PDE8A: variants seen among roughly 807,000 people sequenced by gnomAD.
The protein encoded by PDE8A is phosphodiesterase 8A.
In PDE8A, 59 loss-of-function variants were observed where a neutral mutation model predicts 105.0. That is an observed-to-expected ratio of 0.56 (90% CI 0.46 to 0.70). The LOEUF (loss-of-function observed/expected upper bound fraction) is 0.70. Among genes scored for constraint, PDE8A ranks in the 30% least tolerant of loss-of-function variants. PDE8A has a pLI of 0.00. For synonymous variants in PDE8A, 355 were observed against 371.9 expected, an observed-to-expected ratio of 0.95 and a Z score of 0.52; for missense variants, 1,014 against 1,045.9, an observed-to-expected ratio of 0.97 and a Z score of 0.42.
intron 21 of PDE8A, 105 bp downstream of exon 21, chr15:85,136,768 CT>C: frequency 8.8e-7 from 1 of 1,142,336 alleles, no homozygotes; most frequent in Non-Finnish European, 1.2e-6. Flanking sequence ...GGGGCCTGGG[CT>C]TTCAAGAACA....
At chr15:85,057,608 C>T (rs919877327) in intron 1 of PDE8A, among the ~76,000 whole-genome samples, 9 of 152,166 alleles carry the variant, frequency 5.9e-5, no homozygotes, top group African/African-American at 2.2e-4. Context: ...ACCCGTCTTC[C>T]ATGTCGCGCA....
At position 85,038,978 on chromosome 15, in the gene PDE8A, A is replaced by G. The variant is rs1012320009; in HGVS notation, c.187-25392A>G. Among the ~76,000 whole-genome samples, 7 of 152,218 alleles carry G rather than the reference A, an allele frequency of 4.6e-5. No homozygotes were observed. The South Asian group carries it at 1.5e-3, about 32-fold the overall frequency. ...CTCTACTAAAGATACAAAATTAGCCAGGCGTGGTGGTTCATGCCTGTAATC... is the reference window on the plus strand; with the variant it reads ...CTCTACTAAAGATACAAAATTAGCCGGGCGTGGTGGTTCATGCCTGTAATC... On this transcript the variant is annotated intron_variant, in intron 1 of 21. Transcript: ENST00000394553.
chr15:85,129,505 G>A (rs915226263), intron 20 of PDE8A, among the ~76,000 whole-genome samples: 2 of 152,156 alleles, frequency 1.3e-5, no homozygotes, highest in South Asian at 2.1e-4. Flanking sequence ...TTGGCATTCA[G>A]TTGTTCATGG....
chr15:85,072,052 C>A (rs2081319415), intron 3 of PDE8A, among the ~76,000 whole-genome samples: 1 of 152,162 alleles, frequency 6.6e-6, no homozygotes, highest in Non-Finnish European at 1.5e-5. Context: ...AACGCATTAA[C>A]AGAATTAAAA....
At chr15:85,032,745 T>G (rs868073806) in intron 1 of PDE8A, among the ~76,000 whole-genome samples, 1 of 152,158 alleles carries the variant, frequency 6.6e-6, no homozygotes, top group Non-Finnish European at 1.5e-5. Flanking sequence ...GAAAAATGCA[T>G]GGGAAAAGGT....
chr15:85,033,422 C>A (rs2080649146), intron 1 of PDE8A, among the ~76,000 whole-genome samples: 1 of 152,108 alleles, frequency 6.6e-6, no homozygotes, highest in African/African-American at 2.4e-5. Context: ...TCCACAGCTG[C>A]CTTTTGCTTT....
At chr15:85,069,602 A>G (rs1416361877) in intron 3 of PDE8A, among the ~76,000 whole-genome samples, 1 of 152,138 alleles carries the variant, frequency 6.6e-6, no homozygotes, top group Admixed American at 6.6e-5. Context: ...GCTTCCCCTG[A>G]GTACCCTTTT....
chr15:85,105,773 C>T (rs16974868), intron 11 of PDE8A, among the ~76,000 whole-genome samples: 13,272 of 152,184 alleles, frequency 0.087, 1,587 homozygotes, highest in African/African-American at 0.27. Context: ...AGGCCGGATA[C>T]CTCAGGATGA....
chr15:85,115,304 T>C, intron 14 of PDE8A, 135 bp from the exon 15 acceptor site: 1 of 612,264 alleles, frequency 1.6e-6, no homozygotes, highest in East Asian at 3.2e-5. Context: ...GTGGACCTGC[T>C]GGGCCCAGGG....
intron 1 of PDE8A, among the ~76,000 whole-genome samples, chr15:85,039,124 GAAAA>G (rs35924887): frequency 9.8e-5 from 14 of 143,542 alleles, no homozygotes; most frequent in Non-Finnish European, 2.0e-4. Context: ...TCCATCTCAA[GAAAA>G]AAAAAAAAAA....
At chr15:85,119,452 A>G (rs2082145214) in intron 17 of PDE8A, among the ~76,000 whole-genome samples, 1 of 140,662 alleles carries the variant, frequency 7.1e-6, no homozygotes, top group Non-Finnish European at 1.6e-5. Context: ...TGGGTGACAG[A>G]GCAAGACTCT....
rs116009510 is a variant in PDE8A at position 84,991,323 on chromosome 15, A to C, written c.186+8975A>C. On this transcript the variant is annotated intron_variant, in intron 1 of 21. Transcript: ENST00000394553. ...ACAACCGCCCAGTTGAAAAATTGGA[A>C]AAGGTTGGGACAGGCACAGCACTAA... Among the ~76,000 whole-genome samples, 1,006 of 152,346 alleles carry C rather than the reference A, an allele frequency of 6.6e-3. 17 individuals carry two copies. Among genetic ancestry groups the C allele is most frequent in the African/African-American group, 0.023 (959 of 41,578 alleles).
chr15:85,010,343 C>T (rs535432036), intron 1 of PDE8A, among the ~76,000 whole-genome samples: 8 of 152,352 alleles, frequency 5.3e-5, no homozygotes, highest in African/African-American at 1.9e-4. Flanking sequence ...CCTGTCCCTT[C>T]TGGTCTTAGG....
Position 85,096,231 on chromosome 15 carries a change from T to C in PDE8A, c.853-1717T>C, listed in dbSNP as rs2081749615. On this transcript the variant is annotated intron_variant, in intron 8 of 21. Coordinates refer to ENST00000394553, the MANE Select transcript of PDE8A (RefSeq NM_002605.3). ...AATTGGTCCCTGTAATTTTTTTCTC[T>C]CTCTTTTTTTAATGTAACAGTTTTA... is the stretch of plus-strand genomic sequence containing the variant. Among the ~76,000 whole-genome samples the C allele has an allele frequency of 3.9e-5, 6 of 152,226 alleles. No homozygotes were observed. The South Asian group carries it at 1.2e-3, about 32-fold the overall frequency.
At chr15:85,060,341 G>C (rs983505199) in intron 1 of PDE8A, among the ~76,000 whole-genome samples, 5 of 152,090 alleles carry the variant, frequency 3.3e-5, no homozygotes, top group African/African-American at 1.2e-4. Flanking sequence ...TTCAGTTATT[G>C]ATGTCACAAA....
chr15:85,034,192 G>A (rs1022066582), intron 1 of PDE8A, among the ~76,000 whole-genome samples: 18 of 152,206 alleles, frequency 1.2e-4, no homozygotes, highest in Non-Finnish European at 2.4e-4. Flanking sequence ...GAGAAACTCC[G>A]TAAGGAAAGT....
intron 6 of PDE8A, 28 bp downstream of exon 6, chr15:85,083,672 C>G: frequency 7.1e-7 from 1 of 1,418,178 alleles, no homozygotes; most frequent in South Asian, 1.1e-5. Context: ...GGAAAGCCCT[C>G]CAGGCCATAC....
intron 1 of PDE8A, among the ~76,000 whole-genome samples, chr15:85,048,284 G>GT (rs2080918620): frequency 1.3e-5 from 2 of 151,822 alleles, no homozygotes; most frequent in South Asian, 2.1e-4. Flanking sequence ...TATTTTAAGG[G>GT]TTTTTTTCTG....
intron 1 of PDE8A, among the ~76,000 whole-genome samples, chr15:85,030,305 G>A (rs766340215): frequency 8.6e-5 from 13 of 151,770 alleles, no homozygotes; most frequent in Non-Finnish European, 1.2e-4. Flanking sequence ...TCTTGCCCCC[G>A]TAGCCTCCAT....
Sources: allele counts gnomAD v4.1 joint callset (sites outside exome capture counted in the v4.1 genomes callset), GRCh38; gene constraint gnomAD v4.1.1; transcripts MANE v1.5; gene names NCBI Gene and HGNC (gene_info 2026-07-23, HGNC 2026-07-21).